RUNX2: variants seen among roughly 807,000 people sequenced by gnomAD.
RUNX2 encodes the protein runt-related transcription factor 2.
Under a neutral mutation model 51.7 loss-of-function variants are expected in RUNX2, and 10 were observed. The ratio of observed to expected loss-of-function variants is 0.19; its 90% CI spans 0.12 to 0.33. The LOEUF (loss-of-function observed/expected upper bound fraction) is 0.33. RUNX2 is among the 10% of genes least tolerant of loss of function. The pLI is 1.00. For synonymous variants in RUNX2, 276 were observed against 273.6 expected (o/e 1.01, Z -0.09); for missense variants, 562 against 691.3 (o/e 0.81, Z 2.10).
At chr6:45,454,832 G>A (rs888386420) in intron 5 of RUNX2, among the ~76,000 whole-genome samples, 1 of 152,146 alleles carries the variant, frequency 6.6e-6, no homozygotes, top group Non-Finnish European at 1.5e-5. Flanking sequence ...CACAGTCTCA[G>A]GCCGGGCATG....
chr6:45,435,333 AAATAAATTTATGGAC>A (rs1392100163), intron 4 of RUNX2, among the ~76,000 whole-genome samples: 1 of 152,184 alleles, frequency 6.6e-6, no homozygotes, highest in Non-Finnish European at 1.5e-5. Context: ...AAACTGGTTT[AAATAAATTTATGGAC>A]AATCTATTTT....
chr6:45,395,152 G>A (rs1314969594), intron 2 of RUNX2, among the ~76,000 whole-genome samples: 1 of 152,206 alleles, frequency 6.6e-6, no homozygotes, highest in East Asian at 1.9e-4. Flanking sequence ...GTTTGGGGCA[G>A]TGGTTTGTCC....
At chr6:45,503,645 A>T (rs1450349787) in intron 6 of RUNX2, among the ~76,000 whole-genome samples, 1 of 152,108 alleles carries the variant, frequency 6.6e-6, no homozygotes, top group East Asian at 1.9e-4. Context: ...TGCCGTTGAG[A>T]TTCAGGATAT....
intron 2 of RUNX2, among the ~76,000 whole-genome samples, chr6:45,400,805 C>T (rs531549957): frequency 2.0e-5 from 3 of 152,302 alleles, no homozygotes; most frequent in African/African-American, 7.2e-5. Flanking sequence ...AATTACAGTG[C>T]TGCAAAACAA....
At chr6:45,455,768 C>T (rs1467138075) in intron 5 of RUNX2, among the ~76,000 whole-genome samples, 1 of 152,196 alleles carries the variant, frequency 6.6e-6, no homozygotes, top group Non-Finnish European at 1.5e-5. Context: ...CTTATCTTTA[C>T]TAAGCCATCT....
At chr6:45,384,515 C>T (rs1444080216) in intron 2 of RUNX2, among the ~76,000 whole-genome samples, 2 of 151,972 alleles carry the variant, frequency 1.3e-5, no homozygotes, top group East Asian at 3.9e-4. Context: ...GAACTCCTGG[C>T]CTCAAGTGAT....
chr6:45,328,600 C>T (rs1394278928), intron 1 of RUNX2, 61 bp from the exon 2 acceptor site: 4 of 1,602,590 alleles, frequency 2.5e-6, no homozygotes, highest in Non-Finnish European at 3.4e-6. Flanking sequence ...AATATAAAGT[C>T]TATGTACTCC....
chr6:45,399,005 G>T (rs936795262), intron 2 of RUNX2, among the ~76,000 whole-genome samples: 1 of 130,018 alleles, frequency 7.7e-6, no homozygotes, highest in Non-Finnish European at 1.7e-5. Context: ...ACAAAAGCAA[G>T]CTGTAAATAA....
chr6:45,353,627 A>C (rs987402741), intron 2 of RUNX2, among the ~76,000 whole-genome samples: 1 of 152,102 alleles, frequency 6.6e-6, no homozygotes, highest in Admixed American at 6.5e-5. Flanking sequence ...AAAACAAAAC[A>C]ATGGATTAAA....
rs1582205340 is a variant in RUNX2 at position 45,524,419 on chromosome 6, A to G, written c.1021+12012A>G. Among the ~76,000 whole-genome samples, 4 of 152,330 alleles carry G rather than the reference A, an allele frequency of 2.6e-5. No individual in the cohort carries two copies. In the South Asian group the frequency reaches 6.2e-4, roughly 24 times the overall value. ...ACTATGCAGCGAAGCATGGGAGACT[A>G]GGAGGAGCCCTGTGCTTTTGTATCT... On this transcript the variant is annotated intron_variant, in intron 7 of 8. Coordinates refer to ENST00000647337, the MANE Select transcript of RUNX2 (RefSeq NM_001024630.4).
At chr6:45,407,808 T>C (rs1170395390) in intron 2 of RUNX2, among the ~76,000 whole-genome samples, 1 of 152,122 alleles carries the variant, frequency 6.6e-6, no homozygotes, top group Non-Finnish European at 1.5e-5. Flanking sequence ...CCCAAAATAA[T>C]ATTTTAATGG....
chr6:45,370,619 G>T (rs556682309), intron 2 of RUNX2, among the ~76,000 whole-genome samples: 2 of 152,118 alleles, frequency 1.3e-5, no homozygotes, highest in South Asian at 4.2e-4. Context: ...TCTCTGTCAG[G>T]AATAATTTAT....
At chr6:45,431,806 T>C in intron 3 of RUNX2, 57 bp from the exon 4 acceptor site, 1 of 1,579,854 alleles carries the variant, frequency 6.3e-7, no homozygotes, top group East Asian at 2.2e-5. Context: ...GAATATATTC[T>C]GTTTGTAAGC....
intron 7 of RUNX2, among the ~76,000 whole-genome samples, chr6:45,523,735 C>A (rs1395894255): frequency 6.6e-6 from 1 of 151,700 alleles, no homozygotes; most frequent in African/African-American, 2.4e-5. Flanking sequence ...GAGATAGAGA[C>A]CATCCTGGCC....
chr6:45,457,344 G>A (rs1241557574), intron 5 of RUNX2, among the ~76,000 whole-genome samples: 1 of 152,152 alleles, frequency 6.6e-6, no homozygotes, highest in Non-Finnish European at 1.5e-5. Context: ...TCAGGGCAGG[G>A]ATGGCTGAAT....
In RUNX2 at chr6:45,550,473, G is replaced by C. The variant is rs1275076260; in HGVS notation, c.*3168G>C. The C allele has an allele frequency of 1.3e-5, 2 of 152,278 alleles. No individual in the cohort carries two copies. Among genetic ancestry groups the C allele is most frequent in the Non-Finnish European group, 2.9e-5 (2 of 68,038 alleles). The allele number at this position is 152,278 out of a possible 1,614,324, so 9.4% of individuals were successfully genotyped here. A position where few individuals can be genotyped will look rare whatever the true frequency, so the allele number is the denominator to read the frequency against. On this transcript the variant is annotated 3_prime_UTR_variant, in exon 9 of 9. Coordinates refer to ENST00000647337, the MANE Select transcript of RUNX2 (RefSeq NM_001024630.4). ...AGGATTCCCTCAATTCCGAGGAAAG[G>C]GACTGGCCCAGAATCCAGGTTAATA... is the stretch of plus-strand genomic sequence containing the variant.
intron 2 of RUNX2, among the ~76,000 whole-genome samples, chr6:45,389,764 C>G (rs1327440008): frequency 6.6e-6 from 1 of 152,116 alleles, no homozygotes; most frequent in Non-Finnish European, 1.5e-5. Context: ...TAATCTGGTA[C>G]TTTGGGAGGC....
intron 5 of RUNX2, among the ~76,000 whole-genome samples, chr6:45,456,198 C>A (rs1048483430): frequency 6.6e-6 from 1 of 152,014 alleles, no homozygotes; most frequent in Non-Finnish European, 1.5e-5. Context: ...CCTTTTACTA[C>A]TTTTTCCTAA....
chr6:45,458,801 A>C (rs991631751), intron 5 of RUNX2, among the ~76,000 whole-genome samples: 1 of 152,202 alleles, frequency 6.6e-6, no homozygotes, highest in Non-Finnish European at 1.5e-5. Context: ...AAACATACAG[A>C]ACCTCTTGAC....
Sources: allele counts gnomAD v4.1 joint callset (sites outside exome capture counted in the v4.1 genomes callset), GRCh38; gene constraint gnomAD v4.1.1; transcripts MANE v1.5; gene names NCBI Gene and HGNC (gene_info 2026-07-23, HGNC 2026-07-21).